GNAS: variants seen among roughly 807,000 people sequenced by gnomAD.
The protein encoded by GNAS is GNAS complex locus.
In GNAS, 8 loss-of-function variants were observed where a neutral mutation model predicts 54.5. That is an observed-to-expected ratio of 0.15 (90% CI 0.09 to 0.26). The LOEUF (loss-of-function observed/expected upper bound fraction) is 0.26, where lower values mean the gene tolerates loss of function less well. Among genes scored for constraint, GNAS ranks in the 10% least tolerant of loss-of-function variants. The pLI, the probability that GNAS is intolerant of heterozygous loss-of-function variation, is 1.00. For missense variants in GNAS, 170 were observed against 529.8 expected (o/e 0.32, Z 6.67); for synonymous variants, 204 against 191.4 (o/e 1.07, Z -0.54).
intron 2 of GNAS, among the ~76,000 whole-genome samples, chr20:58,896,717 A>G (rs1309579091): frequency 1.3e-5 from 2 of 152,182 alleles, no homozygotes; most frequent in Non-Finnish European, 2.9e-5. Flanking sequence ...CTAGATTTCA[A>G]GCACCTGAAG....
upstream of GNAS, among the ~76,000 whole-genome samples, chr20:58,887,430 G>A (rs966085577): frequency 6.6e-6 from 1 of 152,120 alleles, no homozygotes; most frequent in East Asian, 1.9e-4. Flanking sequence ...GTCATCAAGC[G>A]GTTCTAATTT....
At position 58,853,466 on chromosome 20, in the gene GNAS, C is replaced by T. The variant is rs1211648054; in HGVS notation, c.43+12580C>T. ...TCCCCGTCGAGAATGATGGCGAGGCCTGTGGACCCCCAGAGGTCTCCAGAC... is the reference window on the plus strand; with the variant it reads ...TCCCCGTCGAGAATGATGGCGAGGCTTGTGGACCCCCAGAGGTCTCCAGAC... On this transcript the variant is annotated intron_variant, in intron 1 of 12. Coordinates refer to the GNAS transcript ENST00000306090. The surrounding 1 kb of genome is among the most constrained non-coding windows in gnomAD (Gnocchi z 4.4). The T allele has an allele frequency of 1.2e-6, 2 of 1,612,414 alleles. No homozygotes were observed. The highest frequency in any genetic ancestry group is 8.5e-7 in the Non-Finnish European group (1 of 1,179,514).
chr20:58,881,799 CT>C (rs2088239942), intron 1 of GNAS: 1 of 152,152 alleles, frequency 6.6e-6, no homozygotes, highest in South Asian at 2.1e-4. Flanking sequence ...CACTGCAACC[CT>C]GGGATAAAAA....
Position 58,891,565 on chromosome 20 carries a change from C to G in GNAS, c.-162C>G, listed in dbSNP as rs2089317903. 1.0e-6 allele frequency: 1 copy of G among 968,896 alleles called. No homozygotes were observed. The highest frequency in any genetic ancestry group is 1.2e-6 in the Non-Finnish European group (1 of 819,690). The allele number at this position is 968,896 out of a possible 1,614,324, so 60.0% of individuals were successfully genotyped here. ...CCTTCCCGCCCGTCCGCGCGCCCCG[C>G]GGCCCGCGGCCCGCAGTCCGCCCCG... On this transcript the variant is annotated 5_prime_UTR_variant, in exon 1 of 13. Transcript: ENST00000371085.
chr20:58,893,435 T>C (rs1424005151), intron 1 of GNAS, among the ~76,000 whole-genome samples: 1 of 152,192 alleles, frequency 6.6e-6, no homozygotes, highest in Non-Finnish European at 1.5e-5. Context: ...TTTGTGAATT[T>C]GCTAGGTTAA....
At chr20:58,903,852 AG>A in intron 5 of GNAS, 61 bp downstream of exon 5, 1 of 1,586,986 alleles carries the variant, frequency 6.3e-7, no homozygotes, top group Non-Finnish European at 8.7e-7. Context: ...GTGTCCATAT[AG>A]GAACATGAGT....
At chr20:58,905,546 G>A in intron 6 of GNAS, 66 bp downstream of exon 6, 1 of 904,104 alleles carries the variant, frequency 1.1e-6, no homozygotes. Context: ...ATGAAAACCT[G>A]TGATCCTGCT....
At chr20:58,851,955 C>T (rs1282306670) in intron 1 of GNAS, among the ~76,000 whole-genome samples, 4 of 152,174 alleles carry the variant, frequency 2.6e-5, no homozygotes, top group Non-Finnish European at 4.4e-5. Flanking sequence ...GGGTTCAGTG[C>T]GCACAGCGTT....
upstream of GNAS, chr20:58,840,117 G>A: frequency 6.2e-7 from 1 of 1,611,300 alleles, no homozygotes. This position sits in a 1 kb window ranked among gnomAD's most constrained non-coding sequence, Gnocchi z 6.0. Flanking sequence ...ATGGATCGGA[G>A]GTCCCGGGCT....
chr20:58,904,376 C>T (rs143224226), intron 5 of GNAS, among the ~76,000 whole-genome samples: 35 of 152,242 alleles, frequency 2.3e-4, no homozygotes, highest in African/African-American at 8.4e-4. Context: ...TGAAATATAT[C>T]TAAATCATAA....
intron 1 of GNAS, among the ~76,000 whole-genome samples, chr20:58,861,639 C>T (rs2086786826): frequency 6.6e-6 from 1 of 152,092 alleles, no homozygotes; most frequent in Non-Finnish European, 1.5e-5. Context: ...GGAAGGAAGG[C>T]ACGAATATAA....
At chr20:58,859,972 T>A (rs1313925783) in intron 1 of GNAS, among the ~76,000 whole-genome samples, 2 of 132,544 alleles carry the variant, frequency 1.5e-5, no homozygotes, top group Non-Finnish European at 3.1e-5. Context: ...GGATCACAAA[T>A]TTCAAATTCA....
intron 1 of GNAS, among the ~76,000 whole-genome samples, chr20:58,893,686 G>A (rs1349862102): frequency 6.6e-6 from 1 of 152,142 alleles, no homozygotes; most frequent in Admixed American, 6.5e-5. Context: ...TTGCTGTCTT[G>A]TCTAAAACTT....
rs755766644 is a variant in GNAS, at chr20:58,909,506, C to G, written c.660-15C>G. The G allele has an allele frequency of 6.2e-7, 1 of 1,613,894 alleles. No homozygotes were observed. The highest frequency in any genetic ancestry group is 1.1e-5 in the South Asian group (1 of 91,082). ...CAGTCCCTCTGGAATAACCAGCTGT[C>G]CTCCTCCCCACCAGCATGTTTGACG... On this transcript the variant is annotated splice_polypyrimidine_tract_variant and intron_variant, in intron 8 of 12. Coordinates refer to ENST00000371085, the MANE Select transcript of GNAS (RefSeq NM_000516.7). The surrounding 1 kb of genome is among the most constrained non-coding windows in gnomAD (Gnocchi z 7.3).
intron 1 of GNAS, among the ~76,000 whole-genome samples, chr20:58,864,996 C>T (rs2086972531): frequency 6.6e-6 from 1 of 152,008 alleles, no homozygotes; most frequent in African/African-American, 2.4e-5. Flanking sequence ...CTCTCTCTGA[C>T]AACCAAAACT....
intron 3 of GNAS, 77 bp from the exon 4 acceptor site, chr20:58,903,454 G>C (rs778285042): frequency 8.5e-7 from 1 of 1,172,930 alleles, no homozygotes; most frequent in East Asian, 2.4e-5. Context: ...CTTTTTAGTC[G>C]GGATGTCTTT....
At chr20:58,891,971 G>GC (rs1006207449) in intron 1 of GNAS, 106 bp downstream of exon 1, 5 of 758,496 alleles carry the variant, frequency 6.6e-6, no homozygotes, top group African/African-American at 5.8e-5. Flanking sequence ...GCGCTCCCGA[G>GC]CCCCCCGCCC....
At chr20:58,883,944 T>C (rs1047520280) in intron 1 of GNAS, among the ~76,000 whole-genome samples, 4 of 152,234 alleles carry the variant, frequency 2.6e-5, no homozygotes, top group Non-Finnish European at 5.9e-5. Flanking sequence ...CTAAAACGTG[T>C]GGGCAAACAC....
intron 1 of GNAS, among the ~76,000 whole-genome samples, chr20:58,859,500 T>C (rs963480246): frequency 6.6e-6 from 1 of 150,904 alleles, no homozygotes; most frequent in African/African-American, 2.4e-5. Context: ...CCTGGCCACA[T>C]TTTACATTTT....
Sources: gnomAD v4.1 joint callset for allele counts (sites outside exome capture counted in the v4.1 genomes callset) on GRCh38, gnomAD v4.1.1 for gene constraint, Gnocchi (gnomAD v3.1) non-coding constraint, MANE v1.5 for transcripts, NCBI Gene and HGNC (gene_info 2026-07-23, HGNC 2026-07-21) for gene names.